CACNA1C: variants seen among roughly 807,000 people sequenced by gnomAD.
CACNA1C encodes the protein calcium voltage-gated channel subunit alpha1 C.
In CACNA1C, 30 loss-of-function variants were observed where a neutral mutation model predicts 229.0. The observed-to-expected ratio is 0.13, with a 90% CI of 0.10 to 0.18. The LOEUF (loss-of-function observed/expected upper bound fraction) is 0.18, where lower values mean the gene tolerates loss of function less well. CACNA1C is among the 10% of genes least tolerant of loss of function. The probability of loss-of-function intolerance (pLI) is 1.00; values close to 1 mark genes in which losing one functional copy is unlikely to be tolerated. For synonymous variants in CACNA1C, 1,114 were observed against 1,132.5 expected (o/e 0.98, Z 0.33); for missense variants, 1,658 against 2,845.0 (o/e 0.58, Z 9.49).
chr12:2,021,055 A>G (rs551856231), intron 1 of CACNA1C, among the ~76,000 whole-genome samples: 1 of 152,352 alleles, frequency 6.6e-6, no homozygotes, highest in South Asian at 2.1e-4. Context: ...TAATGGTAAA[A>G]TTATTTCTGG....
intron 3 of CACNA1C, among the ~76,000 whole-genome samples, chr12:2,147,170 G>C (rs2094797257): frequency 6.6e-6 from 1 of 151,338 alleles, no homozygotes; most frequent in Non-Finnish European, 1.5e-5. Flanking sequence ...GAGAGGGGGG[G>C]AACCTCCAAA....
At position 2,486,501 on chromosome 12, in the gene CACNA1C, A is replaced by G. The variant is rs1322778530; in HGVS notation, c.916+239A>G. Among the ~76,000 whole-genome samples the G allele has an allele frequency of 2.6e-5, 4 of 152,338 alleles. No homozygotes were observed. The highest frequency in any genetic ancestry group is 7.2e-5 in the African/African-American group (3 of 41,582). ...CGCAAACTTCGTTCAGCACTTTTCA[A>G]TAAGCTACACAATTTGAGAAACATT... On this transcript the variant is annotated intron_variant, in intron 6 of 46. Coordinates refer to ENST00000399655, the MANE Select transcript of CACNA1C (RefSeq NM_000719.7). This position sits in a 1 kb window ranked among gnomAD's most constrained non-coding sequence, Gnocchi z 4.9.
chr12:2,449,014 G>A lies in CACNA1C; in HGVS notation c.516G>A (p.Val172=). 1 of 1,608,704 alleles carries A rather than the reference G, an allele frequency of 6.2e-7. No individual in the cohort carries two copies. The highest frequency in any genetic ancestry group is 1.1e-5 in the South Asian group (1 of 90,474). The change falls in exon 4 of 47, where the codon GTG becomes GTA. Residue 172 remains valine, a synonymous_variant. Transcript: ENST00000399655. ...ATCTCTTTCTCATAATTTTTACGGT[G>A]GAAGCGTTTTTAAAAGTAATCGCCT... ...VEYLFLIIFT[V]EAFLKVIAYG...
At chr12:2,560,026 G>T (rs1227704384) in intron 11 of CACNA1C, among the ~76,000 whole-genome samples, 2 of 152,168 alleles carry the variant, frequency 1.3e-5, no homozygotes, top group African/African-American at 4.8e-5. Context: ...TTGAAATTCA[G>T]TGTGTGTTTT....
At chr12:2,091,918 C>A (rs1289541272) in intron 1 of CACNA1C, among the ~76,000 whole-genome samples, 2 of 152,174 alleles carry the variant, frequency 1.3e-5, no homozygotes, top group Non-Finnish European at 2.9e-5. Context: ...ACCTAGGGGA[C>A]AAGAGGCTTG....
chr12:2,521,544 C>T (rs2099809993), intron 9 of CACNA1C, among the ~76,000 whole-genome samples: 1 of 152,156 alleles, frequency 6.6e-6, no homozygotes, highest in African/African-American at 2.4e-5. Context: ...CCGCCAGGGT[C>T]CCAGCCCAAA....
chr12:2,663,146 A>G (rs2095852364), intron 34 of CACNA1C, among the ~76,000 whole-genome samples: 1 of 152,236 alleles, frequency 6.6e-6, no homozygotes, highest in Admixed American at 6.5e-5. Flanking sequence ...TCATTGAAAT[A>G]AAAAACTTAG....
chr12:2,602,691 T>C lies in CACNA1C; in HGVS notation c.2960+731T>C, dbSNP rs2153412678. On this transcript the variant is annotated intron_variant, in intron 22 of 46. Transcript: ENST00000399655. This position sits in a 1 kb window ranked among gnomAD's most constrained non-coding sequence, Gnocchi z 4.4. ...GTGTGAGTTTTTCATTTCACTGGTC[T>C]GGGGTACAGTCTGGGTGTGAGTTCT... Among the ~76,000 whole-genome samples the C allele has an allele frequency of 6.6e-6, 1 of 151,426 alleles. No homozygotes were observed. The highest frequency in any genetic ancestry group is 2.1e-4 in the South Asian group (1 of 4,800).
chr12:1,977,882 T>A (rs1016072849), intron 1 of CACNA1C, among the ~76,000 whole-genome samples: 3 of 152,204 alleles, frequency 2.0e-5, no homozygotes, highest in Non-Finnish European at 4.4e-5. Context: ...TGGAAGACAA[T>A]CAAGTTTATA....
chr12:2,638,571 T>C (rs1355019518), intron 30 of CACNA1C, among the ~76,000 whole-genome samples: 1 of 152,184 alleles, frequency 6.6e-6, no homozygotes, highest in Non-Finnish European at 1.5e-5. Flanking sequence ...AAGGGTGGAA[T>C]CTGGAAGATC....
At chr12:2,402,904 T>A (rs897808515) in intron 3 of CACNA1C, among the ~76,000 whole-genome samples, 2 of 152,254 alleles carry the variant, frequency 1.3e-5, no homozygotes, top group Non-Finnish European at 1.5e-5. Flanking sequence ...GAATAATAGG[T>A]CCATTAATTT....
intron 9 of CACNA1C, among the ~76,000 whole-genome samples, chr12:2,515,400 G>C (rs913958771): frequency 6.6e-6 from 1 of 152,206 alleles, no homozygotes; most frequent in Middle Eastern, 3.2e-3. Flanking sequence ...TTCCTGTCTT[G>C]AGAATTTCAT....
intron 31 of CACNA1C, 59 bp downstream of exon 31, chr12:2,648,566 C>T: frequency 2.0e-6 from 3 of 1,503,878 alleles, no homozygotes; most frequent in Non-Finnish European, 2.8e-6. Context: ...AACACCCCCA[C>T]TCTCCCCACC....
At chr12:1,998,119 G>T in intron 1 of CACNA1C, 1 of 616,956 alleles carries the variant, frequency 1.6e-6, no homozygotes, top group South Asian at 2.7e-5. Context: ...TCAGGAAAAG[G>T]AGAAAGCAAG....
intron 1 of CACNA1C, among the ~76,000 whole-genome samples, chr12:2,044,266 T>C (rs1464083190): frequency 6.6e-6 from 1 of 152,176 alleles, no homozygotes; most frequent in Non-Finnish European, 1.5e-5. Context: ...TACGAATACA[T>C]GACTGGAAGT....
chr12:2,251,316 G>A (rs894762519), intron 3 of CACNA1C, among the ~76,000 whole-genome samples: 21 of 152,120 alleles, frequency 1.4e-4, no homozygotes, highest in Non-Finnish European at 2.5e-4. Flanking sequence ...GAGGGCAGGC[G>A]GTCAATGGCT....
rs779481077 is a variant in CACNA1C at position 2,566,405 on chromosome 12, C to A, written c.1509-17C>A. ...TTCACAGCCAACCCCACCCTTCTCT[C>A]CCTGTCCCCTTTCCAGCCGCTACTG... On this transcript the variant is annotated splice_polypyrimidine_tract_variant and intron_variant, in intron 11 of 46. Coordinates refer to ENST00000399655, the MANE Select transcript of CACNA1C (RefSeq NM_000719.7). This position sits in a 1 kb window ranked among gnomAD's most constrained non-coding sequence, Gnocchi z 4.0. 3.8e-6 allele frequency: 6 copies of A among 1,576,590 alleles called. No individual in the cohort carries two copies. The highest frequency in any genetic ancestry group is 1.2e-5 in the South Asian group (1 of 84,946).
rs759652936 is a variant in CACNA1C, at chr12:2,287,488, C to T, written c.478-161488C>T. On this transcript the variant is annotated intron_variant, in intron 3 of 46. Coordinates refer to ENST00000399655, the MANE Select transcript of CACNA1C (RefSeq NM_000719.7). This position sits in a 1 kb window ranked among gnomAD's most constrained non-coding sequence, Gnocchi z 4.6. ...GGGCCCGAAGAGCAGTTTCAGCCTGCGTGGTCTTGATGTGGTCTTGGCTGA... is the reference window on the plus strand; with the variant it reads ...GGGCCCGAAGAGCAGTTTCAGCCTGTGTGGTCTTGATGTGGTCTTGGCTGA... Among the ~76,000 whole-genome samples the T allele has an allele frequency of 2.6e-5, 4 of 152,156 alleles. No individual in the cohort carries two copies. Among genetic ancestry groups the T allele is most frequent in the African/African-American group, 9.7e-5 (4 of 41,424 alleles).
chr12:2,225,020 G>A (rs901453003), intron 3 of CACNA1C, among the ~76,000 whole-genome samples: 2 of 152,140 alleles, frequency 1.3e-5, no homozygotes, highest in African/African-American at 2.4e-5. Flanking sequence ...ATGAATAAAC[G>A]TTCGCACTCT....
Sources: allele counts gnomAD v4.1 joint callset (sites outside exome capture counted in the v4.1 genomes callset), GRCh38; gene constraint gnomAD v4.1.1; non-coding constraint Gnocchi (gnomAD v3.1); transcripts MANE v1.5; gene names NCBI Gene and HGNC (gene_info 2026-07-23, HGNC 2026-07-21).